Variants in WDR45B observed in about 807,000 individuals in gnomAD.
The protein encoded by WDR45B is WD repeat domain 45B.
In WDR45B, 20 loss-of-function variants were observed where a neutral mutation model predicts 44.6. The observed-to-expected ratio is 0.45, with a 90% CI of 0.32 to 0.65. The LOEUF (loss-of-function observed/expected upper bound fraction) is 0.65, where lower values mean the gene tolerates loss of function less well. Among genes scored for constraint, WDR45B ranks in the 30% least tolerant of loss-of-function variants. WDR45B has a pLI of 0.05. For synonymous variants in WDR45B, 169 were observed against 164.9 expected (o/e 1.02, Z -0.19); for missense variants, 323 against 430.2 (o/e 0.75, Z 2.20).
At chr17:82,647,159 G>A (rs879361297) in intron 1 of WDR45B, among the ~76,000 whole-genome samples, 4 of 152,194 alleles carry the variant, frequency 2.6e-5, no homozygotes, top group Non-Finnish European at 4.4e-5. Context: ...AACCCGGGAG[G>A]AGGAGGTTGC....
chr17:82,645,125 G>A (rs2045959795), intron 1 of WDR45B, among the ~76,000 whole-genome samples: 2 of 151,908 alleles, frequency 1.3e-5, no homozygotes, highest in South Asian at 2.1e-4. Flanking sequence ...ATGAAACCCC[G>A]TCTCTACTAG....
intron 2 of WDR45B, 104 bp downstream of exon 2, chr17:82,643,845 T>G (rs1337741043): frequency 8.9e-7 from 1 of 1,127,656 alleles, no homozygotes; most frequent in Non-Finnish European, 1.3e-6. Context: ...CCCTATTTAC[T>G]TCTCGAAAAC....
chr17:82,625,671 G>C, intron 4 of WDR45B, 188 bp from the exon 5 acceptor site: 2 of 613,074 alleles, frequency 3.3e-6, no homozygotes, highest in Non-Finnish European at 5.9e-6. Flanking sequence ...GTGCACGTGG[G>C]CTGGCTCTGC....
chr17:82,617,814 C>T (rs183283718), intron 7 of WDR45B, among the ~76,000 whole-genome samples: 3 of 152,230 alleles, frequency 2.0e-5, no homozygotes, highest in Non-Finnish European at 4.4e-5. Context: ...TGGGCTGGGG[C>T]AGGCATTGGC....
At chr17:82,625,306 C>CTTTGCTCAGGGCA in intron 5 of WDR45B, 83 bp downstream of exon 5, 1 of 1,381,272 alleles carries the variant, frequency 7.2e-7, no homozygotes, top group Non-Finnish European at 1.0e-6. Flanking sequence ...TGCTCAGAGA[C>CTTTGCTCAGGGCA]CTGCTTGGAG....
chr17:82,642,397 A>G (rs1414722332), intron 2 of WDR45B, among the ~76,000 whole-genome samples: 3 of 152,206 alleles, frequency 2.0e-5, no homozygotes, highest in Non-Finnish European at 4.4e-5. Context: ...TCCCGAAACC[A>G]TCCCCCTATG....
Position 82,615,970 on chromosome 17 carries a change from G to A in WDR45B, c.984C>T (p.Cys328=), listed in dbSNP as rs747387332. 2.4e-5 allele frequency: 38 copies of A among 1,613,594 alleles called. No homozygotes were observed. The highest frequency in any genetic ancestry group is 3.1e-5 in the Non-Finnish European group (37 of 1,179,936). ...YKFLFNPKGE[C]IRDVYAQFLE... ...GAAACTGCGCGTAGACATCTCGGAT[G>A]CACTCCCCCTTGGGGTTGAACAGGA... The change falls in exon 10 of 10, where the codon TGC becomes TGT. Residue 328 remains cysteine (C), a synonymous_variant. Transcript: ENST00000392325.
intron 1 of WDR45B, among the ~76,000 whole-genome samples, chr17:82,647,279 C>A (rs1362909041): frequency 1.3e-5 from 2 of 152,184 alleles, no homozygotes; most frequent in African/African-American, 4.8e-5. Context: ...ACAGCACCTG[C>A]CTGGATTCTC....
intron 7 of WDR45B, chr17:82,617,619 T>C (rs2045555593): frequency 3.5e-6 from 2 of 571,316 alleles, no homozygotes; most frequent in African/African-American, 3.8e-5. Flanking sequence ...CACGGCAAGT[T>C]TTCCTTGGGT....
rs1026245223 is a variant in WDR45B at position 82,618,899 on chromosome 17, A to G, written c.704+144T>C. 22 of 724,146 alleles carry G rather than the reference A, an allele frequency of 3.0e-5. No individual in the cohort carries two copies. In the Middle Eastern group the frequency reaches 1.4e-3, roughly 46 times the overall value. 44.9% of individuals were successfully genotyped at this position (724,146 alleles called of 1,614,324 possible). A position where few individuals can be genotyped will look rare whatever the true frequency, so the allele number is the denominator to read the frequency against. ...TCACAATTTAAAAAGCTGAAACCCA[A>G]CCCCCTAGCAGCCCAAGCTTCTCCC... On this transcript the variant is annotated intron_variant, in intron 7 of 9. Transcript: ENST00000392325.
intron 2 of WDR45B, among the ~76,000 whole-genome samples, chr17:82,631,848 G>A (rs997212535): frequency 6.6e-6 from 1 of 151,920 alleles, no homozygotes; most frequent in Non-Finnish European, 1.5e-5. Context: ...TGCTTGGGAG[G>A]CTGAGGCGGG....
At chr17:82,625,327 C>CCA in intron 5 of WDR45B, 62 bp downstream of exon 5, 2 of 1,514,006 alleles carry the variant, frequency 1.3e-6, no homozygotes, top group Non-Finnish European at 1.8e-6. Flanking sequence ...AAGGGAGTGC[C>CCA]CAGCACAGGC....
rs2045808540 is a variant in WDR45B, at chr17:82,634,420, G to A, written c.143-3398C>T. 2.6e-5 allele frequency among the ~76,000 whole-genome samples: 4 copies of A among 152,064 alleles called. 1 individual carries two copies. Among genetic ancestry groups the A allele is most frequent in the Middle Eastern group, 6.8e-3 (2 of 294 alleles). On this transcript the variant is annotated intron_variant, in intron 2 of 9. Transcript: ENST00000392325. The stretch of plus-strand genomic sequence containing the variant: ...GGAGAACTGCTTGAACCCGGGAGGC[G>A]GAGGCTGCAGTGAGCCGAGATCTCG...
chr17:82,646,248 TGA>T (rs2143394232), intron 1 of WDR45B, among the ~76,000 whole-genome samples: 2 of 151,630 alleles, frequency 1.3e-5, no homozygotes, highest in East Asian at 3.9e-4. Flanking sequence ...CCCAGCACTT[TGA>T]GAGGCCGAGG....
chr17:82,627,303 G>A lies in WDR45B; in HGVS notation c.245-12C>T. ...ATCCCAGATCATTACTGAAATATCA[G>A]AAAGAAAAGATGAATGCAGTCATCA... On this transcript the variant is annotated splice_polypyrimidine_tract_variant and intron_variant, in intron 3 of 9. Coordinates refer to ENST00000392325, the MANE Select transcript of WDR45B (RefSeq NM_019613.4). 6.3e-7 allele frequency: 1 copy of A among 1,598,902 alleles called. No individual in the cohort carries two copies. The highest frequency in any genetic ancestry group is 1.3e-5 in the African/African-American group (1 of 74,826).
intron 1 of WDR45B, among the ~76,000 whole-genome samples, chr17:82,645,989 C>T (rs561698782): frequency 3.3e-5 from 5 of 151,768 alleles, no homozygotes; most frequent in African/African-American, 9.7e-5. Context: ...GGAGCGGTGG[C>T]GGGCACCTGT....
At position 82,615,669 on chromosome 17, in the gene WDR45B, G is replaced by A; in HGVS notation, c.*250C>T. 1 of 537,408 alleles carries A rather than the reference G, an allele frequency of 1.9e-6. No homozygotes were observed. The allele number at this position is 537,408 out of a possible 1,614,324, so 33.3% of individuals were successfully genotyped here. ...AAGCTAACGTCACAGCTGAACTCAT[G>A]GGAACAGCCAGTGGCCGCCAGTCGA... On this transcript the variant is annotated 3_prime_UTR_variant, in exon 10 of 10. Coordinates refer to ENST00000392325, the MANE Select transcript of WDR45B (RefSeq NM_019613.4).
intron 2 of WDR45B, among the ~76,000 whole-genome samples, chr17:82,632,071 C>G (rs547148067): frequency 1.3e-5 from 2 of 150,006 alleles, no homozygotes; most frequent in East Asian, 4.0e-4. Flanking sequence ...CAGAGCGAGA[C>G]TCTATCTCAA....
intron 5 of WDR45B, among the ~76,000 whole-genome samples, chr17:82,623,322 G>A (rs1318982760): frequency 6.6e-6 from 1 of 150,664 alleles, no homozygotes; most frequent in African/African-American, 2.5e-5. Context: ...AGGAGGCGGA[G>A]GTTGCAGTAA....
Sources: gnomAD v4.1 joint callset for allele counts (sites outside exome capture counted in the v4.1 genomes callset) on GRCh38, gnomAD v4.1.1 for gene constraint, MANE v1.5 for transcripts, NCBI Gene and HGNC (gene_info 2026-07-23, HGNC 2026-07-21) for gene names.